PREX2: variants seen among roughly 807,000 people sequenced by gnomAD.
The protein encoded by PREX2 is phosphatidylinositol 3,4,5-trisphosphate-dependent Rac exchanger 2 protein.
A neutral mutation model predicts 203.2 loss-of-function variants in PREX2; 107 were observed. The observed-to-expected ratio is 0.53, with a 90% CI of 0.45 to 0.62. PREX2 has a LOEUF of 0.62. PREX2 is among the 20% of genes least tolerant of loss of function. The probability of loss-of-function intolerance (pLI) is 0.00; values close to 1 mark genes in which losing one functional copy is unlikely to be tolerated. For missense variants in PREX2, 1,777 were observed against 1,955.9 expected (o/e 0.91, Z 1.72); for synonymous variants, 672 against 663.6 (o/e 1.01, Z -0.19).
chr8:68,083,976 G>A (rs1809608417), intron 18 of PREX2, among the ~76,000 whole-genome samples: 1 of 152,078 alleles, frequency 6.6e-6, no homozygotes, highest in Admixed American at 6.5e-5. Flanking sequence ...CCCATAAATA[G>A]CCATTGTTAT....
intron 1 of PREX2, among the ~76,000 whole-genome samples, chr8:67,966,492 A>G (rs886899020): frequency 5.3e-5 from 8 of 152,016 alleles, no homozygotes; most frequent in Admixed American, 3.3e-4. Flanking sequence ...AGGAATTACC[A>G]TAAAATGCAT....
chr8:68,134,413 T>C (rs1305652039), intron 32 of PREX2, 137 bp downstream of exon 32: 4 of 667,210 alleles, frequency 6.0e-6, no homozygotes, highest in East Asian at 2.7e-5. Flanking sequence ...TTTAAAAATA[T>C]ACATTTTTCT....
chr8:68,105,611 T>A, intron 23 of PREX2: 3 of 1,076,892 alleles, frequency 2.8e-6, no homozygotes, highest in Non-Finnish European at 3.4e-6. Context: ...TTACGTGCAT[T>A]ATATAATTGT....
chr8:68,090,476 A>G (rs891688066), intron 19 of PREX2, 103 bp from the exon 20 acceptor site: 1 of 1,012,516 alleles, frequency 9.9e-7, no homozygotes, highest in African/African-American at 1.6e-5. Context: ...TACTAGCTAG[A>G]CTTTGATCAT....
rs1459822848 is a variant in PREX2, at chr8:68,236,569, A to G, written c.*5191A>G. On this transcript the variant is annotated 3_prime_UTR_variant, in exon 40 of 40. Coordinates refer to ENST00000288368, the MANE Select transcript of PREX2 (RefSeq NM_024870.4). ...CTAAATTGGTAAGACGCTTTAGAAA[A>G]TATGCATTTGAATTTGAATATCTAA... 1.3e-5 allele frequency: 2 copies of G among 152,182 alleles called. No individual in the cohort carries two copies. The highest frequency in any genetic ancestry group is 2.9e-5 in the Non-Finnish European group (2 of 68,032). 9.4% of individuals were successfully genotyped at this position (152,182 alleles called of 1,614,324 possible). A position where few individuals can be genotyped will look rare whatever the true frequency, so the allele number is the denominator to read the frequency against.
chr8:68,110,625 A>G (rs1810516466), intron 25 of PREX2, among the ~76,000 whole-genome samples: 2 of 152,126 alleles, frequency 1.3e-5, no homozygotes, highest in South Asian at 2.1e-4. Flanking sequence ...ACACACACCT[A>G]TCATCCTGTA....
Position 68,191,884 on chromosome 8 carries a change from A to G in PREX2, c.4413+96A>G, listed in dbSNP as rs559508575. 18 of 803,284 alleles carry G rather than the reference A, an allele frequency of 2.2e-5. No homozygotes were observed. In the African/African-American group the frequency reaches 2.9e-4, roughly 13 times the overall value. The allele number at this position is 803,284 out of a possible 1,614,324, so 49.8% of individuals were successfully genotyped here. ...GTTCTGCAGAAAAATTAATCTAAGT[A>G]GTTTTAATCTAAGTAGGGAGCTAGT... On this transcript the variant is annotated intron_variant, in intron 36 of 39. Coordinates refer to ENST00000288368, the MANE Select transcript of PREX2 (RefSeq NM_024870.4).
chr8:67,979,424 A>G (rs944702995), intron 1 of PREX2, among the ~76,000 whole-genome samples: 6 of 152,184 alleles, frequency 3.9e-5, no homozygotes, highest in Admixed American at 3.9e-4. Context: ...AAAAATCGCA[A>G]TGAAAAAACT....
At position 68,231,411 on chromosome 8, in the gene PREX2, C is replaced by T. The variant is rs1296757445; in HGVS notation, c.*33C>T. 6 of 1,584,168 alleles carry T rather than the reference C, an allele frequency of 3.8e-6. No homozygotes were observed. The Admixed American group carries it at 9.0e-5, about 24-fold the overall frequency. ...TCCCAAGAAACCAGGCAGGCAGAAGCTCCTGAATGCTGGACTAGACAAACT... is the reference window on the plus strand; with the variant it reads ...TCCCAAGAAACCAGGCAGGCAGAAGTTCCTGAATGCTGGACTAGACAAACT... On this transcript the variant is annotated 3_prime_UTR_variant, in exon 40 of 40. Transcript: ENST00000288368.
intron 35 of PREX2, among the ~76,000 whole-genome samples, chr8:68,162,768 G>A (rs1165710082): frequency 6.6e-6 from 1 of 152,168 alleles, no homozygotes; most frequent in Non-Finnish European, 1.5e-5. Context: ...TTGCATTTTA[G>A]TTGGTGGTCT....
rs1220897124 is a variant in PREX2, at chr8:68,233,821, CTTCTTAATGCA to C, written c.*2446_*2456del. 1 of 152,112 alleles carries C rather than the reference CTTCTTAATGCA, an allele frequency of 6.6e-6. No homozygotes were observed. The highest frequency in any genetic ancestry group is 2.4e-5 in the African/African-American group (1 of 41,426). The allele number at this position is 152,112 out of a possible 1,614,324, so 9.4% of individuals were successfully genotyped here. ...CAAAATTTGAACCCAGGAAGTCTGC[CTTCTTAATGCA>C]TTATGCTACTTTTCCTTATCAATAT... is the stretch of plus-strand genomic sequence containing the variant. On this transcript the variant is annotated 3_prime_UTR_variant, in exon 40 of 40. Transcript: ENST00000288368.
At chr8:67,964,037 T>C (rs1453729792) in intron 1 of PREX2, among the ~76,000 whole-genome samples, 1 of 152,190 alleles carries the variant, frequency 6.6e-6, no homozygotes, top group African/African-American at 2.4e-5. Flanking sequence ...TCAGTATTTA[T>C]GTAGATTCTC....
intron 8 of PREX2, among the ~76,000 whole-genome samples, chr8:68,052,398 C>T (rs1387414680): frequency 6.6e-6 from 1 of 152,088 alleles, no homozygotes; most frequent in Non-Finnish European, 1.5e-5. Context: ...CATTTTCAAA[C>T]CCAGCATGAC....
intron 30 of PREX2, among the ~76,000 whole-genome samples, chr8:68,126,087 A>T (rs891878229): frequency 6.6e-6 from 1 of 152,144 alleles, no homozygotes; most frequent in Non-Finnish European, 1.5e-5. Context: ...TCTCTTAATG[A>T]TATAATAAAA....
chr8:68,101,445 C>A (rs181780326), intron 23 of PREX2: 2 of 518,912 alleles, frequency 3.9e-6, no homozygotes. Context: ...TTACCTGCCA[C>A]ATTTGTTAAT....
intron 6 of PREX2, among the ~76,000 whole-genome samples, chr8:68,032,276 T>C (rs1348804969): frequency 6.6e-6 from 1 of 152,164 alleles, no homozygotes; most frequent in Non-Finnish European, 1.5e-5. Flanking sequence ...TTGCCACTTG[T>C]TAGGTATAAG....
chr8:68,096,984 GA>G (rs1810097349), intron 21 of PREX2, 32 bp from the exon 22 acceptor site: 2 of 1,562,226 alleles, frequency 1.3e-6, no homozygotes, highest in African/African-American at 2.7e-5. Context: ...AATCCTTCAT[GA>G]ATTTACTGAG....
intron 33 of PREX2, among the ~76,000 whole-genome samples, chr8:68,138,751 A>T (rs913157597): frequency 6.6e-6 from 1 of 152,198 alleles, no homozygotes; most frequent in Non-Finnish European, 1.5e-5. Context: ...TCTGCAAGTT[A>T]TCATTATCTA....
At position 68,234,232 on chromosome 8, in the gene PREX2, G is replaced by C. The variant is rs1371474245; in HGVS notation, c.*2854G>C. Reference sequence around the variant, plus strand: ...CATATGTACCTCCATGTGACATTGGGCATTAAATGGCCTTGAGGTTTTAGG... The same window carrying C: ...CATATGTACCTCCATGTGACATTGGCCATTAAATGGCCTTGAGGTTTTAGG... On this transcript the variant is annotated 3_prime_UTR_variant, in exon 40 of 40. Coordinates refer to ENST00000288368, the MANE Select transcript of PREX2 (RefSeq NM_024870.4). The C allele has an allele frequency of 6.6e-6, 1 of 152,088 alleles. No homozygotes were observed. The highest frequency in any genetic ancestry group is 1.5e-5 in the Non-Finnish European group (1 of 68,010). 9.4% of individuals were successfully genotyped at this position (152,088 alleles called of 1,614,324 possible). A position where few individuals can be genotyped will look rare whatever the true frequency, so the allele number is the denominator to read the frequency against.
Sources: gnomAD v4.1 joint callset for allele counts (sites outside exome capture counted in the v4.1 genomes callset) on GRCh38, gnomAD v4.1.1 for gene constraint, MANE v1.5 for transcripts, NCBI Gene and HGNC (gene_info 2026-07-23, HGNC 2026-07-21) for gene names.